The following CFAP157 variants were observed in gnomAD, a reference collection of about 807,000 sequenced individuals.
CFAP157 encodes cilia and flagella associated protein 157.
CFAP157 carries 43 observed loss-of-function variants against 57.8 expected under a neutral mutation model. The observed-to-expected ratio is 0.74, with a 90% CI of 0.58 to 0.96. The LOEUF is 0.96. CFAP157 is among the 40% of genes least tolerant of loss of function. The pLI, the probability that CFAP157 is intolerant of heterozygous loss-of-function variation, is 0.00. For missense variants in CFAP157, 606 were observed against 655.3 expected, an observed-to-expected ratio of 0.92 and a Z score of 0.82; for synonymous variants, 267 against 269.0, an observed-to-expected ratio of 0.99 and a Z score of 0.07.
chr9:127,708,463 C>T (rs866216435), intron 1 of CFAP157, among the ~76,000 whole-genome samples: 5 of 151,848 alleles, frequency 3.3e-5, no homozygotes, highest in African/African-American at 9.7e-5. Context: ...GGTGACAGAT[C>T]GAGACTCCAT....
At chr9:127,712,438 T>TC in intron 6 of CFAP157, 89 bp downstream of exon 6, 1 of 1,523,906 alleles carries the variant, frequency 6.6e-7, no homozygotes, top group Non-Finnish European at 8.9e-7. Context: ...TGCCTCAGGA[T>TC]CAGAGGCCCC....
chr9:127,712,342 T>C lies in CFAP157; in HGVS notation c.1130T>C (p.Ile377Thr). Residue 377 changes from isoleucine (I) to threonine (T), a missense_variant, in exon 6 of 9, where the codon ATT becomes ACT. Ile to Thr is a moderately conservative substitution (Grantham distance 89). Transcript: ENST00000373295. ...LVQATSFLQNILQMHRDEEDS... is the reference protein window; with the variant it reads ...LVQATSFLQNTLQMHRDEEDS... The stretch of plus-strand genomic sequence containing the variant: ...CAGGCCACCTCCTTCCTACAGAACA[T>C]TCTGCAGGTGAGCAGAAGGGAGAGA... 1.9e-6 allele frequency: 3 copies of C among 1,613,814 alleles called. No homozygotes were observed. Among genetic ancestry groups the C allele is most frequent in the Non-Finnish European group, 2.5e-6 (3 of 1,179,952 alleles).
chr9:127,712,919 G>T (rs772785644), intron 7 of CFAP157, 44 bp downstream of exon 7: 1 of 1,592,394 alleles, frequency 6.3e-7, no homozygotes, highest in Admixed American at 1.8e-5. Flanking sequence ...GCCACAGAGA[G>T]CAGGGCAAAG....
At position 127,715,747 on chromosome 9, in the gene CFAP157, C is replaced by T. The variant is rs746475287; in HGVS notation, c.*1842C>T. 7 of 1,533,768 alleles carry T rather than the reference C, an allele frequency of 4.6e-6. No homozygotes were observed. Among genetic ancestry groups the T allele is most frequent in the Middle Eastern group, 1.7e-4 (1 of 5,956 alleles). The stretch of plus-strand genomic sequence containing the variant: ...CCGCCAACGTCCAATCCGGGCCGGG[C>T]TACGTGGCCGCCATGCTTCTGAGGG... On this transcript the variant is annotated 3_prime_UTR_variant, in exon 9 of 9. Coordinates refer to ENST00000373295, the MANE Select transcript of CFAP157 (RefSeq NM_001012502.3). This position sits in a 1 kb window ranked among gnomAD's most constrained non-coding sequence, Gnocchi z 5.8.
intron 1 of CFAP157, among the ~76,000 whole-genome samples, chr9:127,708,691 G>T (rs1842700072): frequency 6.6e-6 from 1 of 152,180 alleles, no homozygotes; most frequent in African/African-American, 2.4e-5. Flanking sequence ...CAAGCCCTGG[G>T]AATACAGAGG....
chr9:127,712,145 G>A, intron 5 of CFAP157, 54 bp from the exon 6 acceptor site: 1 of 1,598,102 alleles, frequency 6.3e-7, no homozygotes, highest in Non-Finnish European at 8.5e-7. Flanking sequence ...GCCCCAGGTG[G>A]CCCCAGTCCT....
rs200895054 is a variant in CFAP157 at position 127,707,108 on chromosome 9, T to C, written c.77T>C (p.Val26Ala). The change falls in exon 1 of 9, where the codon GTG (valine) becomes GCG (alanine). Residue 26 changes from valine to alanine, a missense_variant. By Grantham distance (64) the Val-to-Ala change is moderately conservative (BLOSUM62 0). Transcript: ENST00000373295. ...VKKKGGKKEP[V>A]VAVEPPLAKE... ...AAGAAAGGGGGCAAGAAGGAGCCGG[T>C]GGTGGCCGTGGAGCCGCCTCTGGCC... 66 of 1,613,668 alleles carry C rather than the reference T, an allele frequency of 4.1e-5. No homozygotes were observed. Among genetic ancestry groups the C allele is most frequent in the Non-Finnish European group, 1.3e-5 (15 of 1,179,998 alleles).
chr9:127,715,025 A>G lies in CFAP157; in HGVS notation c.*1120A>G. 1 of 1,495,146 alleles carries G rather than the reference A, an allele frequency of 6.7e-7. No homozygotes were observed. The highest frequency in any genetic ancestry group is 8.9e-7 in the Non-Finnish European group (1 of 1,125,546). 92.6% of individuals were successfully genotyped at this position (1,495,146 alleles called of 1,614,324 possible). ...GGCGTTCATAAGCCGCCGTGGCCGGAGCAGGACCAGTTGGGCATCCCCCAG... is the reference window on the plus strand; with the variant it reads ...GGCGTTCATAAGCCGCCGTGGCCGGGGCAGGACCAGTTGGGCATCCCCCAG... On this transcript the variant is annotated 3_prime_UTR_variant, in exon 9 of 9. Transcript: ENST00000373295. The surrounding 1 kb of genome is among the most constrained non-coding windows in gnomAD (Gnocchi z 5.8).
At position 127,712,693 on chromosome 9, in the gene CFAP157, C is replaced by T. The variant is rs1350809710; in HGVS notation, c.1138-16C>T. On this transcript the variant is annotated splice_polypyrimidine_tract_variant and intron_variant, in intron 6 of 8. Transcript: ENST00000373295. Reference sequence around the variant, plus strand: ...GGGCCACTGTGGGCCTGCTGCCACCCCACCCTCACCAACAGATGCACCGCG... The same window carrying T: ...GGGCCACTGTGGGCCTGCTGCCACCTCACCCTCACCAACAGATGCACCGCG... 1.2e-6 allele frequency: 2 copies of T among 1,614,086 alleles called. No individual in the cohort carries two copies. The highest frequency in any genetic ancestry group is 1.1e-5 in the South Asian group (1 of 91,074).
intron 1 of CFAP157, among the ~76,000 whole-genome samples, 161 bp downstream of exon 1, chr9:127,707,353 C>A (rs1329910489): frequency 6.6e-6 from 1 of 152,232 alleles, no homozygotes; most frequent in Non-Finnish European, 1.5e-5. Flanking sequence ...TCATACGTAC[C>A]TTTGGGAGGT....
chr9:127,712,980 C>T (rs1326448071), intron 7 of CFAP157, 40 bp from the exon 8 acceptor site: 1 of 1,603,716 alleles, frequency 6.2e-7, no homozygotes, highest in Non-Finnish European at 8.5e-7. Flanking sequence ...AGAAACCTGG[C>T]TCGCCGAAGG....
rs1373413886 is a variant in CFAP157 at position 127,715,243 on chromosome 9, C to T, written c.*1338C>T. 2 of 1,507,628 alleles carry T rather than the reference C, an allele frequency of 1.3e-6. No homozygotes were observed. Among genetic ancestry groups the T allele is most frequent in the Non-Finnish European group, 1.8e-6 (2 of 1,121,664 alleles). 93.4% of individuals were successfully genotyped at this position (1,507,628 alleles called of 1,614,324 possible). On this transcript the variant is annotated 3_prime_UTR_variant, in exon 9 of 9. Coordinates refer to ENST00000373295, the MANE Select transcript of CFAP157 (RefSeq NM_001012502.3). The surrounding 1 kb of genome is among the most constrained non-coding windows in gnomAD (Gnocchi z 5.8). Reference sequence around the variant, plus strand: ...GAGGCCCAACAACTCTCGCCACCCCCGATCTCACAGCGTCCCGTGGGCCCC... The same window carrying T: ...GAGGCCCAACAACTCTCGCCACCCCTGATCTCACAGCGTCCCGTGGGCCCC...
At chr9:127,707,312 C>T (rs1483702533) in intron 1 of CFAP157, 120 bp downstream of exon 1, 2 of 1,047,812 alleles carry the variant, frequency 1.9e-6, no homozygotes, top group Non-Finnish European at 1.4e-6. Context: ...CTGGGATGTC[C>T]AGACCCCATC....
intron 3 of CFAP157, 114 bp from the exon 4 acceptor site, chr9:127,711,115 A>C: frequency 2.7e-5 from 34 of 1,265,420 alleles, no homozygotes; most frequent in South Asian, 3.0e-5. Context: ...CCTCCCAGGG[A>C]GAGAGCATGC....
chr9:127,707,983 G>A (rs1842684925), intron 1 of CFAP157, among the ~76,000 whole-genome samples: 1 of 152,148 alleles, frequency 6.6e-6, no homozygotes, highest in African/African-American at 2.4e-5. Context: ...TACTAGAGAG[G>A]TCCTGATGTC....
In CFAP157 at chr9:127,714,444, G is replaced by A. The variant is rs370821540; in HGVS notation, c.*539G>A. The A allele has an allele frequency of 3.3e-5, 54 of 1,613,628 alleles. No homozygotes were observed. Among genetic ancestry groups the A allele is most frequent in the Non-Finnish European group, 4.4e-5 (52 of 1,179,666 alleles). ...TGGCCCCTTCAAGGGATATGGGAGG[G>A]GCAGTTAGTGCCTCCCTGGGGCAGT... On this transcript the variant is annotated 3_prime_UTR_variant, in exon 9 of 9. Coordinates refer to ENST00000373295, the MANE Select transcript of CFAP157 (RefSeq NM_001012502.3).
chr9:127,715,913 G>C lies in CFAP157; in HGVS notation c.*2008G>C. 2.6e-6 allele frequency: 2 copies of C among 758,930 alleles called. No homozygotes were observed. The highest frequency in any genetic ancestry group is 4.2e-6 in the Non-Finnish European group (2 of 479,800). The allele number at this position is 758,930 out of a possible 1,614,324, so 47.0% of individuals were successfully genotyped here. On this transcript the variant is annotated 3_prime_UTR_variant, in exon 9 of 9. Coordinates refer to ENST00000373295, the MANE Select transcript of CFAP157 (RefSeq NM_001012502.3). The surrounding 1 kb of genome is among the most constrained non-coding windows in gnomAD (Gnocchi z 5.8). ...GTTGGGAGGCCTTGTTATGCCCCCC[G>C]CTATGGCCCTGACTTGCGGCGAAAA...
chr9:127,712,984 C>A, intron 7 of CFAP157, 36 bp from the exon 8 acceptor site: 1 of 1,605,740 alleles, frequency 6.2e-7, no homozygotes, highest in Non-Finnish European at 8.5e-7. Context: ...ACCTGGCTCG[C>A]CGAAGGCTCT....
chr9:127,710,282 C>CAAAAAAA (rs60165824), intron 2 of CFAP157, among the ~76,000 whole-genome samples: 2 of 82,620 alleles, frequency 2.4e-5, no homozygotes, highest in African/African-American at 5.0e-5. Context: ...GACCCTGTCT[C>CAAAAAAA]AAAAAAAAAA....
Sources: gnomAD v4.1 joint callset for allele counts (sites outside exome capture counted in the v4.1 genomes callset) on GRCh38, gnomAD v4.1.1 for gene constraint, Gnocchi (gnomAD v3.1) non-coding constraint, MANE v1.5 for transcripts, NCBI Gene and HGNC (gene_info 2026-07-23, HGNC 2026-07-21) for gene names.